Variants in ADGRB1 observed in about 807,000 individuals in gnomAD.
The protein encoded by ADGRB1 is brain-specific angiogenesis inhibitor 1.
Under a neutral mutation model 175.7 loss-of-function variants are expected in ADGRB1, and 36 were observed. The observed-to-expected ratio is 0.20, with a 90% CI of 0.16 to 0.27. The LOEUF is 0.27. ADGRB1 is among the 10% of genes least tolerant of loss of function. The pLI is 1.00. For synonymous variants in ADGRB1, 1,054 were observed against 979.4 expected, an observed-to-expected ratio of 1.08 and a Z score of -1.42; for missense variants, 1,731 against 2,255.3, an observed-to-expected ratio of 0.77 and a Z score of 4.71.
intron 18 of ADGRB1, among the ~76,000 whole-genome samples, chr8:142,514,423 C>T (rs542850324): frequency 2.0e-5 from 3 of 152,272 alleles, no homozygotes; most frequent in South Asian, 4.1e-4. Flanking sequence ...GTTGAGTAAC[C>T]GCTCTGAGTC....
chr8:142,511,085 G>T lies in ADGRB1; in HGVS notation c.2817+12G>T. ...TCAGCGCCGACGCGGTGAGACCCCG[G>T]CCGGGCCGGCGGGAGGGGCGCCGGG... On this transcript the variant is annotated intron_variant, in intron 18 of 30. Transcript: ENST00000517894. The surrounding 1 kb of genome is among the most constrained non-coding windows in gnomAD (Gnocchi z 4.5). The T allele has an allele frequency of 9.0e-7, 1 of 1,112,200 alleles. No individual in the cohort carries two copies. Among genetic ancestry groups the T allele is most frequent in the Non-Finnish European group, 1.1e-6 (1 of 909,674 alleles). 68.9% of individuals were successfully genotyped at this position (1,112,200 alleles called of 1,614,324 possible).
intron 17 of ADGRB1, among the ~76,000 whole-genome samples, chr8:142,502,198 T>TGGAGGTG (rs1842610730): frequency 1.1e-4 from 2 of 18,958 alleles, no homozygotes; most frequent in African/African-American, 3.5e-4. Context: ...ATGATGACAG[T>TGGAGGTG]GGAGGTGGTG....
chr8:142,475,140 C>G (rs1479973749), intron 2 of ADGRB1, among the ~76,000 whole-genome samples: 1 of 152,204 alleles, frequency 6.6e-6, no homozygotes, highest in African/African-American at 2.4e-5. Flanking sequence ...GGCCAGGCCC[C>G]TCTACCCTCT....
rs1413931119 is a variant in ADGRB1 at position 142,493,916 on chromosome 8, G to T, written c.2675+3101G>T. Among the ~76,000 whole-genome samples, 1 of 152,192 alleles carries T rather than the reference G, an allele frequency of 6.6e-6. No individual in the cohort carries two copies. Among genetic ancestry groups the T allele is most frequent in the African/African-American group, 2.4e-5 (1 of 41,438 alleles). On this transcript the variant is annotated intron_variant, in intron 17 of 30. Coordinates refer to ENST00000517894, the MANE Select transcript of ADGRB1 (RefSeq NM_001702.3). This position sits in a 1 kb window ranked among gnomAD's most constrained non-coding sequence, Gnocchi z 5.0. ...CTGTGAACTGTCTCCGGGGAGCTGA[G>T]TTTCCCAGTTGACCTGAAGTGGAGA...
rs754431097 is a variant in ADGRB1 at position 142,526,536 on chromosome 8, C to G, written c.3313-6C>G. On this transcript the variant is annotated splice_region_variant and splice_polypyrimidine_tract_variant and intron_variant, in intron 23 of 30. Coordinates refer to ENST00000517894, the MANE Select transcript of ADGRB1 (RefSeq NM_001702.3). ...CCCCACACCCCCACCACTCTCTGCC[C>G]GGCAGGTGAACATGGTCATTGGGAT... The G allele has an allele frequency of 6.3e-7, 1 of 1,592,214 alleles. No homozygotes were observed. The highest frequency in any genetic ancestry group is 1.7e-5 in the Admixed American group (1 of 57,424).
intron 18 of ADGRB1, 132 bp from the exon 19 acceptor site, chr8:142,518,006 G>A (rs1464613723): frequency 2.8e-6 from 2 of 725,548 alleles, no homozygotes; most frequent in Non-Finnish European, 4.6e-6. Flanking sequence ...CGGGTGGGGA[G>A]GTGGAGGAGG....
chr8:142,488,900 C>A, intron 14 of ADGRB1, 135 bp from the exon 15 acceptor site: 1 of 1,124,378 alleles, frequency 8.9e-7, no homozygotes, highest in Non-Finnish European at 1.3e-6. Context: ...TGGGCCTCAC[C>A]ATCCGCCAGG....
At position 142,543,776 on chromosome 8, in the gene ADGRB1, T is replaced by C. The variant is rs1049543411; in HGVS notation, c.4557+68T>C. ...TCAGGCCACCGTCTCCCTTCTTCCCTGGATTTGTGCACTTCATCCATCCAT... is the reference window on the plus strand; with the variant it reads ...TCAGGCCACCGTCTCCCTTCTTCCCCGGATTTGTGCACTTCATCCATCCAT... On this transcript the variant is annotated intron_variant, in intron 30 of 30. Coordinates refer to ENST00000517894, the MANE Select transcript of ADGRB1 (RefSeq NM_001702.3). The surrounding 1 kb of genome is among the most constrained non-coding windows in gnomAD (Gnocchi z 4.4). 4.3e-6 allele frequency: 6 copies of C among 1,385,426 alleles called. No homozygotes were observed. The highest frequency in any genetic ancestry group is 6.0e-6 in the Non-Finnish European group (6 of 998,524). The allele number at this position is 1,385,426 out of a possible 1,614,324, so 85.8% of individuals were successfully genotyped here. A position where few individuals can be genotyped will look rare whatever the true frequency, so the allele number is the denominator to read the frequency against.
At position 142,489,929 on chromosome 8, in the gene ADGRB1, G is replaced by A. The variant is rs999138389; in HGVS notation, c.2631+491G>A. Among the ~76,000 whole-genome samples the A allele has an allele frequency of 3.3e-5, 5 of 152,202 alleles. No individual in the cohort carries two copies. The East Asian group carries it at 7.7e-4, about 24-fold the overall frequency. ...CCTCCAGGCCACGGCTGCTATGTGA[G>A]CCCTGCCAGGTCCCAACCCTGCTCC... On this transcript the variant is annotated intron_variant, in intron 16 of 30. Transcript: ENST00000517894.
chr8:142,542,473 GCCTCCGCCC>G lies in ADGRB1; in HGVS notation c.4242_4250del (p.Pro1420_Pro1422del). Reference sequence around the variant, plus strand: ...AGGCACCCCCTGCCCAGCCCCCACCGCCTCCGCCCCCACCGCCACCACCTCCCCAGCAGC... The same window carrying G: ...AGGCACCCCCTGCCCAGCCCCCACCGCCACCGCCACCACCTCCCCAGCAGC... On this transcript the variant is annotated inframe_deletion, in exon 28 of 31. Coordinates refer to ENST00000517894, the MANE Select transcript of ADGRB1 (RefSeq NM_001702.3). The surrounding 1 kb of genome is among the most constrained non-coding windows in gnomAD (Gnocchi z 6.3). 1 of 470,104 alleles carries G rather than the reference GCCTCCGCCC, an allele frequency of 2.1e-6. No individual in the cohort carries two copies. Among genetic ancestry groups the G allele is most frequent in the Non-Finnish European group, 2.7e-6 (1 of 367,218 alleles). 29.1% of individuals were successfully genotyped at this position (470,104 alleles called of 1,614,324 possible). A position where few individuals can be genotyped will look rare whatever the true frequency, so the allele number is the denominator to read the frequency against.
intron 2 of ADGRB1, among the ~76,000 whole-genome samples, chr8:142,473,196 C>T (rs1173114000): frequency 6.6e-6 from 1 of 152,210 alleles, no homozygotes; most frequent in African/African-American, 2.4e-5. Context: ...CCTCTCTCTC[C>T]CGCCCACTGC....
intron 2 of ADGRB1, 62 bp downstream of exon 2, chr8:142,465,044 A>AC: frequency 1.0e-6 from 1 of 992,434 alleles, no homozygotes; most frequent in Non-Finnish European, 1.3e-6. Context: ...AGGCGGGCAG[A>AC]CAGGGGAGGC....
rs1160183076 is a variant in ADGRB1 at position 142,492,737 on chromosome 8, C to G, written c.2675+1922C>G. Among the ~76,000 whole-genome samples the G allele has an allele frequency of 6.6e-6, 1 of 152,246 alleles. No individual in the cohort carries two copies. The highest frequency in any genetic ancestry group is 1.9e-4 in the East Asian group (1 of 5,168). On this transcript the variant is annotated intron_variant, in intron 17 of 30. Transcript: ENST00000517894. The surrounding 1 kb of genome is among the most constrained non-coding windows in gnomAD (Gnocchi z 4.4). The stretch of plus-strand genomic sequence containing the variant: ...CCTGGGGAGCCAGCTCTCTAGCTCT[C>G]GTAAGGGTGGAAAAAGAAAATGCAA...
At chr8:142,473,741 G>T (rs991355241) in intron 2 of ADGRB1, among the ~76,000 whole-genome samples, 5 of 152,208 alleles carry the variant, frequency 3.3e-5, no homozygotes, top group Middle Eastern at 3.2e-3. Context: ...CAGCAGGTGT[G>T]GGGGCCTGGA....
chr8:142,534,540 T>C (rs4977038), intron 25 of ADGRB1, among the ~76,000 whole-genome samples: 33,315 of 152,104 alleles, frequency 0.22, 3,800 homozygotes, highest in East Asian at 0.43. Context: ...AACGCCCCTC[T>C]CAAGGCAATC....
intron 17 of ADGRB1, among the ~76,000 whole-genome samples, chr8:142,502,032 ACAGTGGTGGTGG>A (rs1842591475): frequency 9.6e-6 from 1 of 103,660 alleles, no homozygotes; most frequent in Non-Finnish European, 2.0e-5. Flanking sequence ...GGTTTTGATG[ACAGTGGTGGTGG>A]TGATGGTGGT....
rs553775766 is a variant in ADGRB1 at position 142,508,987 on chromosome 8, G to C, written c.2676-1945G>C. Among the ~76,000 whole-genome samples, 480 of 152,328 alleles carry C rather than the reference G, an allele frequency of 3.2e-3. 5 individuals carry two copies. Among genetic ancestry groups the C allele is most frequent in the African/African-American group, 0.011 (447 of 41,554 alleles). On this transcript the variant is annotated intron_variant, in intron 17 of 30. Coordinates refer to ENST00000517894, the MANE Select transcript of ADGRB1 (RefSeq NM_001702.3). ...TGCCTTGTCTGTGATCTCCGCCACA[G>C]TTTTCCTTCTCTGTAAAACAGGAGC...
At chr8:142,457,864 T>G (rs1342721954) in intron 1 of ADGRB1, among the ~76,000 whole-genome samples, 1 of 152,106 alleles carries the variant, frequency 6.6e-6, no homozygotes, top group Non-Finnish European at 1.5e-5. Context: ...TGCCAGGACC[T>G]CACAGGTGGG....
chr8:142,481,450 G>T lies in ADGRB1; in HGVS notation c.1936-67G>T, dbSNP rs530176000. 36 of 1,585,102 alleles carry T rather than the reference G, an allele frequency of 2.3e-5. No homozygotes were observed. The African/African-American group carries it at 4.6e-4, about 20-fold the overall frequency. Reference sequence around the variant, plus strand: ...CCTGCAGAGGGTCCTAGGCATGGGAGATCCTGGGTGGCTGCCTGGACATGT... The same window carrying T: ...CCTGCAGAGGGTCCTAGGCATGGGATATCCTGGGTGGCTGCCTGGACATGT... On this transcript the variant is annotated intron_variant, in intron 10 of 30. Coordinates refer to ENST00000517894, the MANE Select transcript of ADGRB1 (RefSeq NM_001702.3).
Sources: allele counts gnomAD v4.1 joint callset (sites outside exome capture counted in the v4.1 genomes callset), GRCh38; gene constraint gnomAD v4.1.1; non-coding constraint Gnocchi (gnomAD v3.1); transcripts MANE v1.5; gene names NCBI Gene and HGNC (gene_info 2026-07-23, HGNC 2026-07-21).